Variants in SANBR observed in about 807,000 individuals in gnomAD.
SANBR encodes SANT and BTB domain regulator of CSR.
Under a neutral mutation model 101.8 loss-of-function variants are expected in SANBR, and 77 were observed. The ratio of observed to expected loss-of-function variants is 0.76; its 90% CI spans 0.63 to 0.91. The LOEUF (loss-of-function observed/expected upper bound fraction) is 0.91, where lower values mean the gene tolerates loss of function less well. Among genes scored for constraint, SANBR ranks in the 40% least tolerant of loss-of-function variants. The probability of loss-of-function intolerance (pLI) is 0.00; values close to 1 mark genes in which losing one functional copy is unlikely to be tolerated. For missense variants in SANBR, 875 were observed against 853.0 expected, an observed-to-expected ratio of 1.03 and a Z score of -0.32; for synonymous variants, 279 against 274.7, an observed-to-expected ratio of 1.02 and a Z score of -0.15.
intron 20 of SANBR, among the ~76,000 whole-genome samples, chr2:61,129,428 C>G (rs1173835461): frequency 6.9e-6 from 1 of 145,886 alleles, no homozygotes; most frequent in Non-Finnish European, 1.5e-5. Flanking sequence ...TGAGCAACAA[C>G]AGCGAAACTC....
chr2:61,070,915 T>C (rs1681430602), intron 3 of SANBR, among the ~76,000 whole-genome samples: 1 of 151,542 alleles, frequency 6.6e-6, no homozygotes, highest in Non-Finnish European at 1.5e-5. Flanking sequence ...TCTCTCAGAG[T>C]CTCACTACGT....
intron 16 of SANBR, among the ~76,000 whole-genome samples, chr2:61,113,540 C>T (rs539203765): frequency 6.6e-6 from 1 of 152,218 alleles, no homozygotes; most frequent in East Asian, 1.9e-4. Context: ...AGGTGTTGAA[C>T]ATCTTTTGTT....
At position 61,071,724 on chromosome 2, in the gene SANBR, C is replaced by T. The variant is rs368694787; in HGVS notation, c.269C>T (p.Ser90Phe). 6.2e-7 allele frequency: 1 copy of T among 1,607,720 alleles called. No homozygotes were observed. The highest frequency in any genetic ancestry group is 1.3e-5 in the African/African-American group (1 of 74,538). Residue 90 changes from serine to phenylalanine, a missense_variant, in exon 4 of 22, where the codon TCC (serine) becomes TTC (phenylalanine). Transcript: ENST00000402291. The part of the protein sequence containing the change: ...PVETLATYIK[S>F]SLLDIHGEFQ... Reference sequence around the variant, plus strand: ...GAAACTTTAGCCACATATATCAAATCCTCACTTCTTGACATACATGGAGAA... The same window carrying T: ...GAAACTTTAGCCACATATATCAAATTCTCACTTCTTGACATACATGGAGAA...
intron 16 of SANBR, among the ~76,000 whole-genome samples, chr2:61,115,615 G>A (rs1419078167): frequency 6.6e-6 from 1 of 152,072 alleles, no homozygotes; most frequent in East Asian, 1.9e-4. Context: ...TATAGCTAGA[G>A]ATTTCAATAC....
intron 21 of SANBR, among the ~76,000 whole-genome samples, chr2:61,121,772 T>A (rs181370261): frequency 6.6e-6 from 1 of 152,324 alleles, no homozygotes; most frequent in East Asian, 1.9e-4. Context: ...TTTATGATTC[T>A]GAAATCCAGA....
intron 6 of SANBR, among the ~76,000 whole-genome samples, chr2:61,080,171 T>A (rs1337794521): frequency 4.1e-5 from 5 of 123,086 alleles, no homozygotes. Context: ...CACTCCAGTC[T>A]GGGCGAAGGA....
At chr2:61,092,109 G>A (rs1682793521) in intron 10 of SANBR, among the ~76,000 whole-genome samples, 2 of 152,194 alleles carry the variant, frequency 1.3e-5, no homozygotes, top group Admixed American at 6.5e-5. Context: ...CTCTTGGCCT[G>A]TTCAAACTAT....
At chr2:61,066,624 C>A (rs1681184012) in intron 1 of SANBR, among the ~76,000 whole-genome samples, 1 of 152,260 alleles carries the variant, frequency 6.6e-6, no homozygotes, top group African/African-American at 2.4e-5. Context: ...GGCCAGAGGC[C>A]TTTGACCTGC....
intron 21 of SANBR, among the ~76,000 whole-genome samples, chr2:61,136,927 G>A (rs543442666): frequency 2.2e-3 from 336 of 151,690 alleles, no homozygotes; most frequent in African/African-American, 7.8e-3. Flanking sequence ...CCGAGATCAC[G>A]CCACTGCACT....
chr2:61,088,115 AAGT>A, intron 8 of SANBR, 41 bp from the exon 9 acceptor site: 1 of 1,049,600 alleles, frequency 9.5e-7, no homozygotes, highest in South Asian at 1.4e-5. Context: ...CATCACTATA[AAGT>A]AGTGTAGAAA....
rs367784033 is a variant in SANBR at position 61,070,346 on chromosome 2, A to G, written c.-5A>G. ...TTTTGTCTTCCCTATCCCTAGTTCC[A>G]AAAGATGAGTCGTGGATATTCAGAA... On this transcript the variant is annotated 5_prime_UTR_variant, in exon 3 of 22. Coordinates refer to ENST00000402291, the MANE Select transcript of SANBR (RefSeq NM_001129993.3). 5 of 1,561,938 alleles carry G rather than the reference A, an allele frequency of 3.2e-6. No homozygotes were observed. The highest frequency in any genetic ancestry group is 2.6e-6 in the Non-Finnish European group (3 of 1,160,482).
At chr2:61,128,279 A>T (rs1372118528), downstream of SANBR, among the ~76,000 whole-genome samples, 1 of 151,732 alleles carries the variant, frequency 6.6e-6, no homozygotes, top group Non-Finnish European at 1.5e-5. Flanking sequence ...CTCAAAAAAA[A>T]AAAAAAAGAA....
At chr2:61,082,860 T>G (rs561138001) in intron 7 of SANBR, among the ~76,000 whole-genome samples, 7 of 152,272 alleles carry the variant, frequency 4.6e-5, no homozygotes, top group Admixed American at 2.0e-4. Flanking sequence ...TACTTGAGTT[T>G]ATAGACTAAG....
intron 11 of SANBR, 127 bp downstream of exon 11, chr2:61,092,714 GT>G: frequency 2.7e-6 from 2 of 745,324 alleles, no homozygotes; most frequent in Non-Finnish European, 3.9e-6. Context: ...AAAGAAACTA[GT>G]GGCAGCTGGG....
rs1683671901 is a variant in SANBR, at chr2:61,108,331, AAACTGGACTCTAC to A, written c.1633_1644+1del. The A allele has an allele frequency of 1.3e-6, 2 of 1,576,960 alleles. No homozygotes were observed. The highest frequency in any genetic ancestry group is 8.6e-7 in the Non-Finnish European group (1 of 1,158,224). On this transcript the variant is annotated frameshift_variant, in exon 15 of 22. Coordinates refer to ENST00000402291, the MANE Select transcript of SANBR (RefSeq NM_001129993.3). LOFTEE classifies it high-confidence loss of function. ...CTGTCTTGTAGTTCTTGTCATTGAA[AAACTGGACTCTAC>A]AACTGGTAAGTGAGCAATTACAGTT...
intron 11 of SANBR, among the ~76,000 whole-genome samples, chr2:61,095,812 G>C (rs994031938): frequency 6.6e-6 from 1 of 152,018 alleles, no homozygotes; most frequent in Admixed American, 6.6e-5. Flanking sequence ...TACCAGTCAG[G>C]GTACCTCCTA....
At chr2:61,072,368 T>TC (rs1187858059) in intron 4 of SANBR, among the ~76,000 whole-genome samples, 1 of 151,870 alleles carries the variant, frequency 6.6e-6, no homozygotes, top group Non-Finnish European at 1.5e-5. Context: ...GGCCAGGAGT[T>TC]CAAGACCAAC....
Position 61,081,535 on chromosome 2 carries a change from A to G in SANBR, c.729+25A>G, listed in dbSNP as rs192544666. On this transcript the variant is annotated intron_variant, in intron 7 of 21. Transcript: ENST00000402291. ...AGTAAGTATTGACTTAAAAAAAATCAAAGTGCTTCTGTTCACTTATGCTTT... is the reference window on the plus strand; with the variant it reads ...AGTAAGTATTGACTTAAAAAAAATCGAAGTGCTTCTGTTCACTTATGCTTT... 9 of 1,521,850 alleles carry G rather than the reference A, an allele frequency of 5.9e-6. No individual in the cohort carries two copies. In the East Asian group the frequency reaches 2.0e-4, roughly 34 times the overall value. The allele number at this position is 1,521,850 out of a possible 1,614,324, so 94.3% of individuals were successfully genotyped here.
rs544307804 is a variant in SANBR at position 61,119,982 on chromosome 2, A to T, written c.2029-1203A>T. Among the ~76,000 whole-genome samples the T allele has an allele frequency of 5.3e-5, 8 of 152,224 alleles. No individual in the cohort carries two copies. In the South Asian group the frequency reaches 1.7e-3, roughly 32 times the overall value. ...GTCTCCAAAGGGAAAAACCCATACC[A>T]AGTGCTGATGAGGATGTGGAGCAAC... On this transcript the variant is annotated intron_variant, in intron 20 of 21. Coordinates refer to ENST00000402291, the MANE Select transcript of SANBR (RefSeq NM_001129993.3).
Sources: allele counts gnomAD v4.1 joint callset (sites outside exome capture counted in the v4.1 genomes callset), GRCh38; gene constraint gnomAD v4.1.1; transcripts MANE v1.5; gene names NCBI Gene and HGNC (gene_info 2026-07-23, HGNC 2026-07-21).